RASGRF2: variants seen among roughly 807,000 people sequenced by gnomAD.
RASGRF2 encodes Ras protein specific guanine nucleotide releasing factor 2.
A neutral mutation model predicts 151.0 loss-of-function variants in RASGRF2; 76 were observed. The ratio of observed to expected loss-of-function variants is 0.50; its 90% CI spans 0.42 to 0.61. RASGRF2 has a LOEUF of 0.61. Ranked by LOEUF, RASGRF2 falls within the 20% of genes least tolerant of loss-of-function variation. The pLI, the probability that RASGRF2 is intolerant of heterozygous loss-of-function variation, is 0.00. For synonymous variants in RASGRF2, 504 were observed against 566.5 expected (o/e 0.89, Z 1.57); for missense variants, 1,148 against 1,564.6 (o/e 0.73, Z 4.49).
intron 2 of RASGRF2, among the ~76,000 whole-genome samples, chr5:81,057,731 G>A (rs1022854637): frequency 5.9e-5 from 9 of 152,028 alleles, no homozygotes; most frequent in South Asian, 2.1e-4. Context: ...ACAGTGGCTC[G>A]TGCCTATAAT....
intron 1 of RASGRF2, among the ~76,000 whole-genome samples, chr5:81,027,801 C>T (rs1280918833): frequency 2.6e-5 from 4 of 152,130 alleles, no homozygotes; most frequent in Admixed American, 6.5e-5. Flanking sequence ...GAGTCAGCTG[C>T]GAGTTTGAAA....
chr5:81,069,046 A>C (rs1751697202), intron 3 of RASGRF2, among the ~76,000 whole-genome samples: 1 of 152,226 alleles, frequency 6.6e-6, no homozygotes, highest in African/African-American at 2.4e-5. Context: ...TTGTATCCTC[A>C]TTGACAGAAA....
At chr5:80,992,748 C>A (rs1012736336) in intron 1 of RASGRF2, among the ~76,000 whole-genome samples, 4 of 152,128 alleles carry the variant, frequency 2.6e-5, no homozygotes. Flanking sequence ...GGATTTGATA[C>A]AGCCCACAAA....
At chr5:81,046,399 G>T (rs1461317697) in intron 2 of RASGRF2, among the ~76,000 whole-genome samples, 1 of 151,886 alleles carries the variant, frequency 6.6e-6, no homozygotes, top group Non-Finnish European at 1.5e-5. Context: ...AAAAAAAATC[G>T]TTTTGGAATT....
intron 1 of RASGRF2, among the ~76,000 whole-genome samples, chr5:80,991,251 G>A (rs1748640667): frequency 6.6e-6 from 1 of 152,134 alleles, no homozygotes; most frequent in African/African-American, 2.4e-5. Context: ...TTAAGCCCAG[G>A]AGGTTGAGAC....
At position 81,208,420 on chromosome 5, in the gene RASGRF2, C is replaced by T; in HGVS notation, c.3138C>T (p.Thr1046=). ...KNERTPYIMK[T]SQHFNDMSNL... The stretch of plus-strand genomic sequence containing the variant: ...AAAGAACTCCTTACATTATGAAAAC[C>T]AGCCAACACTTCAATGACGTGAGTA... Residue 1046 remains threonine, a synonymous_variant, in exon 22 of 27, where the codon ACC becomes ACT. Transcript: ENST00000265080. 5 of 1,613,602 alleles carry T rather than the reference C, an allele frequency of 3.1e-6. No homozygotes were observed. The highest frequency in any genetic ancestry group is 4.2e-6 in the Non-Finnish European group (5 of 1,179,694).
intron 14 of RASGRF2, among the ~76,000 whole-genome samples, 179 bp downstream of exon 14, chr5:81,113,037 A>C (rs1182802590): frequency 6.6e-6 from 1 of 152,214 alleles, no homozygotes; most frequent in East Asian, 1.9e-4. Flanking sequence ...AGAGTTCCCC[A>C]GGCACGAAGT....
At chr5:81,197,718 A>G (rs1755298973) in intron 18 of RASGRF2, among the ~76,000 whole-genome samples, 1 of 152,184 alleles carries the variant, frequency 6.6e-6, no homozygotes, top group African/African-American at 2.4e-5. Flanking sequence ...AGTGCTTCAA[A>G]ATTACTTTCC....
intron 1 of RASGRF2, chr5:81,019,356 A>G (rs574097559): frequency 6.6e-6 from 1 of 152,368 alleles, no homozygotes; most frequent in East Asian, 1.9e-4. Flanking sequence ...ATGATGGAAC[A>G]GTAGTCCCCT....
At position 81,034,355 on chromosome 5, in the gene RASGRF2, G is replaced by T. The variant is rs201520807; in HGVS notation, c.289-8522G>T. Among the ~76,000 whole-genome samples the T allele has an allele frequency of 2.3e-3, 349 of 151,918 alleles. 2 individuals are homozygous for T. Among genetic ancestry groups the T allele is most frequent in the African/African-American group, 6.4e-3 (266 of 41,400 alleles). On this transcript the variant is annotated intron_variant, in intron 1 of 26. Transcript: ENST00000265080. ...AACACTTTTACACTGTTGGTGGGAC[G>T]GTAAACTAGTTCAACCATTGTGGAA...
chr5:80,993,892 A>T (rs1486015914), intron 1 of RASGRF2, among the ~76,000 whole-genome samples: 4 of 152,060 alleles, frequency 2.6e-5, no homozygotes, highest in African/African-American at 9.7e-5. Flanking sequence ...GTTTCCATGT[A>T]CCTTGGCCTC....
At chr5:81,005,902 G>A (rs1749253626) in intron 1 of RASGRF2, among the ~76,000 whole-genome samples, 1 of 152,124 alleles carries the variant, frequency 6.6e-6, no homozygotes, top group South Asian at 2.1e-4. Context: ...TTCCAGGTCA[G>A]CGCCTGACTG....
chr5:81,174,728 AT>A (rs1326998201), intron 17 of RASGRF2, among the ~76,000 whole-genome samples: 2 of 152,186 alleles, frequency 1.3e-5, no homozygotes, highest in African/African-American at 4.8e-5. Context: ...GGTCCACATA[AT>A]TGTCACATAA....
At chr5:81,188,958 C>T (rs1755095727) in intron 18 of RASGRF2, among the ~76,000 whole-genome samples, 1 of 152,262 alleles carries the variant, frequency 6.6e-6, no homozygotes, top group African/African-American at 2.4e-5. Flanking sequence ...GAGAATAGCA[C>T]ATGTCAACAC....
chr5:81,009,954 C>T (rs1749402211), intron 1 of RASGRF2, among the ~76,000 whole-genome samples: 1 of 151,894 alleles, frequency 6.6e-6, no homozygotes. Flanking sequence ...GTCAGGAGTT[C>T]GAGAGCAGCC....
intron 1 of RASGRF2, among the ~76,000 whole-genome samples, chr5:80,988,349 C>T (rs1748543690): frequency 6.6e-6 from 1 of 152,094 alleles, no homozygotes; most frequent in African/African-American, 2.4e-5. Context: ...CCACACCCGG[C>T]CTATCATCTC....
At chr5:80,982,327 G>T (rs1183530450) in intron 1 of RASGRF2, among the ~76,000 whole-genome samples, 1 of 152,174 alleles carries the variant, frequency 6.6e-6, no homozygotes, top group Non-Finnish European at 1.5e-5. Context: ...TTGGGCGGGG[G>T]TTAGTAAAGG....
At chr5:81,128,352 A>G (rs1753525524) in intron 17 of RASGRF2, among the ~76,000 whole-genome samples, 1 of 152,242 alleles carries the variant, frequency 6.6e-6, no homozygotes, top group Non-Finnish European at 1.5e-5. Flanking sequence ...ATTCTTCAGT[A>G]TATACGTACA....
intron 1 of RASGRF2, among the ~76,000 whole-genome samples, chr5:80,974,678 G>A (rs1407507997): frequency 6.6e-6 from 1 of 151,542 alleles, no homozygotes; most frequent in East Asian, 1.9e-4. Flanking sequence ...TTCCCACCTT[G>A]TGAGTTCTTG....
Sources: allele counts gnomAD v4.1 joint callset (sites outside exome capture counted in the v4.1 genomes callset), GRCh38; gene constraint gnomAD v4.1.1; transcripts MANE v1.5; gene names NCBI Gene and HGNC (gene_info 2026-07-23, HGNC 2026-07-21).